NTRK3: variants seen among roughly 807,000 people sequenced by gnomAD.
The protein encoded by NTRK3 is NT-3 growth factor receptor.
A neutral mutation model predicts 91.7 loss-of-function variants in NTRK3; 24 were observed. The observed-to-expected ratio is 0.26, with a 90% CI of 0.19 to 0.37. The LOEUF is 0.37. NTRK3 is among the 10% of genes least tolerant of loss of function. The probability of loss-of-function intolerance (pLI) is 1.00; values close to 1 mark genes in which losing one functional copy is unlikely to be tolerated. For missense variants in NTRK3, 880 were observed against 1,068.9 expected (o/e 0.82, Z 2.46); for synonymous variants, 483 against 404.0 (o/e 1.20, Z -2.34).
At chr15:88,107,183 G>C (rs538443262) in intron 13 of NTRK3, among the ~76,000 whole-genome samples, 16 of 151,834 alleles carry the variant, frequency 1.1e-4, no homozygotes, top group Non-Finnish European at 7.4e-5. Flanking sequence ...GTGCTCACAT[G>C]TGTAATCCCA....
chr15:87,864,624 C>G (rs1001770228), exon 19 of NTRK3: 3 of 230,938 alleles, frequency 1.3e-5, no homozygotes, highest in Non-Finnish European at 2.6e-5. Flanking sequence ...TCACCCTGAA[C>G]CAGTGACTAA....
chr15:87,894,453 T>C lies in NTRK3; in HGVS notation c.2134-14025A>G, dbSNP rs578032272. 2.6e-5 allele frequency among the ~76,000 whole-genome samples: 4 copies of C among 152,266 alleles called. No homozygotes were observed. The East Asian group carries it at 7.7e-4, about 29-fold the overall frequency. On this transcript the variant is annotated intron_variant, in intron 17 of 18. Coordinates refer to ENST00000394480, the Ensembl canonical transcript of NTRK3. ...TGTGTGTGACAATGCATGTGCATCG[T>C]GTGTACAGTCATAGATACAGACCTG...
chr15:88,063,526 T>C (rs2046392742), intron 13 of NTRK3, among the ~76,000 whole-genome samples: 1 of 152,216 alleles, frequency 6.6e-6, no homozygotes, highest in South Asian at 2.1e-4. Flanking sequence ...CGCAGAGCCC[T>C]GGCTGGTGGC....
At position 88,126,261 on chromosome 15, in the gene NTRK3, C is replaced by T. The variant is rs1458155750; in HGVS notation, c.1396+10G>A. 1 of 1,593,694 alleles carries T rather than the reference C, an allele frequency of 6.3e-7. No homozygotes were observed. Among genetic ancestry groups the T allele is most frequent in the South Asian group, 1.1e-5 (1 of 90,620 alleles). On this transcript the variant is annotated intron_variant, in intron 13 of 18. Coordinates refer to ENST00000394480, the Ensembl canonical transcript of NTRK3. Reference sequence around the variant, plus strand: ...CCATGACGCCCTTGAAAATGAAACTCCCACCTTACCCTTCATTCCAAATTT... The same window carrying T: ...CCATGACGCCCTTGAAAATGAAACTTCCACCTTACCCTTCATTCCAAATTT...
rs541533161 is a variant in NTRK3, at chr15:88,153,446, G to A, written c.396-6043C>T. Among the ~76,000 whole-genome samples the A allele has an allele frequency of 1.7e-3, 259 of 152,036 alleles. 1 individual carries two copies. The Middle Eastern group carries it at 0.031, about 18-fold the overall frequency. ...TTTAGTAGACACTAAAAATACATGC[G>A]GTTTCTCCATGTTGGTCAGGCTGGT... On this transcript the variant is annotated intron_variant, in intron 5 of 18. Coordinates refer to ENST00000394480, the Ensembl canonical transcript of NTRK3.
At chr15:87,878,163 T>G (rs1460142207) in intron 18 of NTRK3, among the ~76,000 whole-genome samples, 1 of 152,222 alleles carries the variant, frequency 6.6e-6, no homozygotes, top group East Asian at 1.9e-4. Context: ...GAACTTCAGT[T>G]TCTGCATTTA....
Position 87,996,245 on chromosome 15 carries a change from A to AAAAAT in NTRK3, c.1585+36607_1585+36611dup, listed in dbSNP as rs539386167. Among the ~76,000 whole-genome samples, 249 of 152,262 alleles carry AAAAAT rather than the reference A, an allele frequency of 1.6e-3. 1 individual carries two copies. The highest frequency in any genetic ancestry group is 3.6e-3 in the African/African-American group (148 of 41,546). ...GGCGACAGAGAGAGACTCCGTCTCTAAAAATAAAATAAAATAAAATAAAAT... is the reference window on the plus strand; with the variant it reads ...GGCGACAGAGAGAGACTCCGTCTCTAAAAATAAAATAAAATAAAATAAAATAAAAT... On this transcript the variant is annotated intron_variant, in intron 14 of 18. Transcript: ENST00000394480.
intron 6 of NTRK3, among the ~76,000 whole-genome samples, chr15:88,138,228 C>A (rs535269694): frequency 6.6e-6 from 1 of 151,384 alleles, no homozygotes; most frequent in South Asian, 2.1e-4. Context: ...ACTGTGAAAC[C>A]CCCATCTCTA....
chr15:88,042,324 A>G (rs578137070), intron 13 of NTRK3, among the ~76,000 whole-genome samples: 92 of 152,322 alleles, frequency 6.0e-4, no homozygotes, highest in African/African-American at 2.1e-3. Flanking sequence ...CAGATGTGGG[A>G]CAGAGGCCAA....
chr15:87,861,389 A>G (rs749962349), exon 19 of NTRK3: 1 of 210,662 alleles, frequency 4.7e-6, no homozygotes, highest in African/African-American at 2.3e-5. Context: ...ATAAAGGGAC[A>G]TGTAATGTCC....
chr15:87,880,856 G>T (rs1436952983), intron 17 of NTRK3, among the ~76,000 whole-genome samples: 1 of 152,222 alleles, frequency 6.6e-6, no homozygotes, highest in Non-Finnish European at 1.5e-5. Flanking sequence ...TATTCCATGT[G>T]CATCTGATCT....
At chr15:88,137,347 C>A in intron 7 of NTRK3, 57 bp downstream of exon 7, 2 of 1,595,930 alleles carry the variant, frequency 1.3e-6, no homozygotes, top group South Asian at 2.2e-5. Flanking sequence ...AGCACCATCT[C>A]TGGTGTCTGA....
chr15:87,939,039 T>C (rs1381180861), intron 15 of NTRK3, among the ~76,000 whole-genome samples: 2 of 152,188 alleles, frequency 1.3e-5, no homozygotes, highest in Non-Finnish European at 2.9e-5. Context: ...TTAGTGAATG[T>C]ATTGTTATGC....
intron 17 of NTRK3, among the ~76,000 whole-genome samples, chr15:87,901,994 G>A (rs2066487646): frequency 6.6e-6 from 1 of 152,148 alleles, no homozygotes; most frequent in South Asian, 2.1e-4. Context: ...ATAGGTTAGG[G>A]TGGCACATTT....
At chr15:88,244,091 G>T (rs537000185) in intron 3 of NTRK3, among the ~76,000 whole-genome samples, 56 of 152,218 alleles carry the variant, frequency 3.7e-4, no homozygotes, top group African/African-American at 1.3e-3. Context: ...GGGTGTCACT[G>T]CTGCCCCCCC....
At chr15:87,921,623 C>G (rs971260719) in intron 17 of NTRK3, among the ~76,000 whole-genome samples, 1 of 152,118 alleles carries the variant, frequency 6.6e-6, no homozygotes, top group Admixed American at 6.6e-5. Context: ...ACAGGGACAC[C>G]TTATTGGAGT....
intron 5 of NTRK3, among the ~76,000 whole-genome samples, chr15:88,173,486 C>G (rs1176605793): frequency 6.6e-6 from 1 of 152,216 alleles, no homozygotes; most frequent in African/African-American, 2.4e-5. Flanking sequence ...TTCATCTCCA[C>G]CTGCTCGATC....
chr15:88,166,741 A>AC (rs2044998107), intron 5 of NTRK3, among the ~76,000 whole-genome samples: 1 of 152,192 alleles, frequency 6.6e-6, no homozygotes, highest in Non-Finnish European at 1.5e-5. Context: ...TGAGCTCTGG[A>AC]CCAGACATTT....
At chr15:87,925,608 A>T in intron 17 of NTRK3, 1 of 211,154 alleles carries the variant, frequency 4.7e-6, no homozygotes. Flanking sequence ...AATCCTTCAC[A>T]GTATTCTCGC....
Sources: gnomAD v4.1 joint callset for allele counts (sites outside exome capture counted in the v4.1 genomes callset) on GRCh38, gnomAD v4.1.1 for gene constraint, MANE v1.5 for transcripts, NCBI Gene and HGNC (gene_info 2026-07-23, HGNC 2026-07-21) for gene names.